The following SS18 variants were observed in gnomAD, a reference collection of about 807,000 sequenced individuals.
SS18 encodes protein SSXT.
A neutral mutation model predicts 72.5 loss-of-function variants in SS18; 28 were observed. That is an observed-to-expected ratio of 0.39 (90% confidence interval 0.29 to 0.53). SS18 has a LOEUF of 0.53. Ranked by LOEUF, SS18 falls within the 20% of genes least tolerant of loss-of-function variation. The probability of loss-of-function intolerance (pLI) is 0.76; values close to 1 mark genes in which losing one functional copy is unlikely to be tolerated. For synonymous variants in SS18, 172 were observed against 164.2 expected, an observed-to-expected ratio of 1.05 and a Z score of -0.37; for missense variants, 518 against 535.3, an observed-to-expected ratio of 0.97 and a Z score of 0.32.
intron 3 of SS18, among the ~76,000 whole-genome samples, chr18:26,059,130 A>G (rs553980187): frequency 6.6e-6 from 1 of 152,346 alleles, no homozygotes; most frequent in African/African-American, 2.4e-5. Context: ...CCATGCTAGA[A>G]TAACTTGTAT....
At chr18:26,069,474 C>T (rs1440828198) in intron 3 of SS18, among the ~76,000 whole-genome samples, 1 of 141,940 alleles carries the variant, frequency 7.0e-6, no homozygotes, top group Admixed American at 7.2e-5. Flanking sequence ...TTTTGAAATA[C>T]TGTGACAGGT....
chr18:26,077,837 ATAGG>A (rs946192897), intron 3 of SS18, among the ~76,000 whole-genome samples: 10 of 152,130 alleles, frequency 6.6e-5, no homozygotes, highest in African/African-American at 1.7e-4. Flanking sequence ...AAAAATTAAA[ATAGG>A]TAGGTAGGTA....
In SS18 at chr18:26,027,337, C is replaced by T. The variant is rs201565991; in HGVS notation, c.1230+5062G>A. Among the ~76,000 whole-genome samples the T allele has an allele frequency of 3.7e-4, 56 of 151,312 alleles. 3 individuals carry two copies. In the South Asian group the frequency reaches 4.0e-3, roughly 11 times the overall value. ...CAACTGATTTTTTGCAAAGGTAAAA[C>T]GACAATCCAGTAGGTAAAAGAGAGT... On this transcript the variant is annotated intron_variant, in intron 10 of 10. Transcript: ENST00000415083.
chr18:26,078,235 A>G (rs1309966067), intron 2 of SS18, 75 bp from the exon 3 acceptor site: 1 of 1,023,690 alleles, frequency 9.8e-7, no homozygotes, highest in Non-Finnish European at 1.4e-6. Context: ...CAGCACTATA[A>G]TCATTTCTAA....
At chr18:26,032,254 T>G in intron 10 of SS18, 145 bp downstream of exon 10, 1 of 908,768 alleles carries the variant, frequency 1.1e-6, no homozygotes. Context: ...TCAAAAGTGA[T>G]ACACTTTTTG....
chr18:26,052,892 G>T, intron 4 of SS18, 47 bp from the exon 5 acceptor site: 1 of 1,525,776 alleles, frequency 6.6e-7, no homozygotes, highest in Non-Finnish European at 9.0e-7. Context: ...TTAAACAGAT[G>T]GTCCATACAA....
chr18:26,069,870 A>G (rs1031186553), intron 3 of SS18, among the ~76,000 whole-genome samples: 6 of 152,262 alleles, frequency 3.9e-5, no homozygotes, highest in African/African-American at 1.4e-4. Flanking sequence ...TAATACTAGC[A>G]GATGATAAAA....
Position 26,039,308 on chromosome 18 carries a change from G to C in SS18, c.756C>G (p.Pro252=). ...TCTTACCCTGTTGAGGAGGTCTATA[G>C]GGAGGAATCTGTCTCTGACCCATCA... The part of the protein sequence containing the change: ...NHMMGQRQIP[P]YRPPQQGPPQ... The change falls in exon 6 of 11, where the codon CCC becomes CCG. Residue 252 remains proline, a synonymous_variant. Transcript: ENST00000415083. 1 of 1,613,078 alleles carries C rather than the reference G, an allele frequency of 6.2e-7. No individual in the cohort carries two copies. The highest frequency in any genetic ancestry group is 1.1e-5 in the South Asian group (1 of 90,966).
At chr18:26,078,197 A>C in intron 2 of SS18, 37 bp from the exon 3 acceptor site, 2 of 1,478,242 alleles carry the variant, frequency 1.4e-6, no homozygotes, top group Non-Finnish European at 1.9e-6. Flanking sequence ...TTAAAAAATA[A>C]TTTTCTTCCT....
intron 3 of SS18, among the ~76,000 whole-genome samples, chr18:26,062,059 G>C (rs113935531): frequency 6.6e-6 from 1 of 152,118 alleles, no homozygotes; most frequent in Non-Finnish European, 1.5e-5. Flanking sequence ...CCAGGAGATC[G>C]AGGCTAGCCT....
At chr18:26,076,016 T>G (rs552994154) in intron 3 of SS18, among the ~76,000 whole-genome samples, 1 of 152,024 alleles carries the variant, frequency 6.6e-6, no homozygotes, top group African/African-American at 2.4e-5. Flanking sequence ...ATGAGAGATG[T>G]GCAAACCATC....
At chr18:26,079,764 AT>A (rs558620196) in intron 2 of SS18, among the ~76,000 whole-genome samples, 1 of 152,120 alleles carries the variant, frequency 6.6e-6, no homozygotes, top group Non-Finnish European at 1.5e-5. Context: ...TGCATTTTTA[AT>A]AGACAGGGTT....
chr18:26,081,689 T>C (rs867162724), intron 2 of SS18, among the ~76,000 whole-genome samples: 2 of 150,362 alleles, frequency 1.3e-5, no homozygotes, highest in African/African-American at 5.0e-5. Flanking sequence ...CTCAGAAACT[T>C]TGAATATTTT....
At chr18:26,045,341 A>C (rs2053801671) in intron 5 of SS18, among the ~76,000 whole-genome samples, 1 of 152,000 alleles carries the variant, frequency 6.6e-6, no homozygotes, top group Non-Finnish European at 1.5e-5. Context: ...TATCTCTTGG[A>C]CCTTATTTCT....
chr18:26,057,117 A>G (rs770395310), intron 4 of SS18, among the ~76,000 whole-genome samples: 2 of 152,214 alleles, frequency 1.3e-5, no homozygotes, highest in Non-Finnish European at 2.9e-5. Context: ...TTCAGCTTCA[A>G]TATCAATAAG....
intron 5 of SS18, among the ~76,000 whole-genome samples, chr18:26,043,216 G>A (rs1244772906): frequency 6.6e-6 from 1 of 152,036 alleles, no homozygotes; most frequent in Non-Finnish European, 1.5e-5. Flanking sequence ...GCTACTAAAT[G>A]GTCCAAAGCC....
At chr18:26,057,478 G>A (rs537235789) in intron 4 of SS18, 111 bp downstream of exon 4, 805 of 1,242,850 alleles carry the variant, frequency 6.5e-4, no homozygotes, top group Non-Finnish European at 8.5e-4. Flanking sequence ...GCTTGTACTC[G>A]GGGGCATTCA....
chr18:26,024,467 G>A (rs1158814281), intron 10 of SS18, among the ~76,000 whole-genome samples: 1 of 152,142 alleles, frequency 6.6e-6, no homozygotes, highest in Non-Finnish European at 1.5e-5. Context: ...GGGACTACAG[G>A]CACATGCCAT....
chr18:26,037,015 C>A (rs998575245), intron 7 of SS18, among the ~76,000 whole-genome samples: 1 of 151,956 alleles, frequency 6.6e-6, no homozygotes, highest in Non-Finnish European at 1.5e-5. Flanking sequence ...AAAAAGTTTG[C>A]CAATTCCTAA....
Sources: gnomAD v4.1 joint callset for allele counts (sites outside exome capture counted in the v4.1 genomes callset) on GRCh38, gnomAD v4.1.1 for gene constraint, MANE v1.5 for transcripts, NCBI Gene and HGNC (gene_info 2026-07-23, HGNC 2026-07-21) for gene names.